Variants in ACVR1B observed in about 807,000 individuals in gnomAD.
The protein encoded by ACVR1B is activin receptor type-1B.
Under a neutral mutation model 55.6 loss-of-function variants are expected in ACVR1B, and 15 were observed. The observed-to-expected ratio is 0.27, with a 90% CI of 0.18 to 0.42. The LOEUF (loss-of-function observed/expected upper bound fraction) is 0.42. ACVR1B is among the 10% of genes least tolerant of loss of function. The pLI, the probability that ACVR1B is intolerant of heterozygous loss-of-function variation, is 1.00. For missense variants in ACVR1B, 359 were observed against 670.1 expected (o/e 0.54, Z 5.13); for synonymous variants, 247 against 254.6 (o/e 0.97, Z 0.28).
At chr12:51,982,679 A>G (rs1160470402) in intron 4 of ACVR1B, 1 of 1,514,066 alleles carries the variant, frequency 6.6e-7, no homozygotes. Context: ...CATTCCTGAA[A>G]CAACAGCAGA....
At chr12:51,975,172 C>T in intron 1 of ACVR1B, 93 bp from the exon 2 acceptor site, 1 of 1,511,178 alleles carries the variant, frequency 6.6e-7, no homozygotes, top group Non-Finnish European at 8.8e-7. Context: ...TTTGGAACAT[C>T]AAGTATGCTA....
intron 1 of ACVR1B, chr12:51,953,640 A>G (rs1941355313): frequency 1.6e-6 from 1 of 619,838 alleles, no homozygotes; most frequent in Non-Finnish European, 2.0e-6. Context: ...TTGTCATTTT[A>G]TGTGTGTATG....
chr12:51,977,236 T>TATTTA (rs1028535820), intron 3 of ACVR1B, among the ~76,000 whole-genome samples: 6 of 152,204 alleles, frequency 3.9e-5, no homozygotes, highest in African/African-American at 1.4e-4. Context: ...GGTCTCAGGG[T>TATTTA]ATAGCTCAGC....
chr12:51,964,725 TC>T, intron 1 of ACVR1B, among the ~76,000 whole-genome samples: 1 of 152,288 alleles, frequency 6.6e-6, no homozygotes, highest in Non-Finnish European at 1.5e-5. Flanking sequence ...AGACTTTTCC[TC>T]CCCCCTGTAT....
At chr12:51,966,177 C>T (rs1941637620) in intron 1 of ACVR1B, among the ~76,000 whole-genome samples, 1 of 152,134 alleles carries the variant, frequency 6.6e-6, no homozygotes, top group Non-Finnish European at 1.5e-5. Flanking sequence ...AGTATTCTAG[C>T]CAGAAATTTG....
intron 3 of ACVR1B, among the ~76,000 whole-genome samples, chr12:51,978,692 GTGGTGGC>G (rs1438638831): frequency 1.8e-4 from 2 of 10,854 alleles, no homozygotes; most frequent in African/African-American, 4.8e-4. Context: ...TTAGCCGGGC[GTGGTGGC>G]GGCGCCTGTA....
intron 1 of ACVR1B, among the ~76,000 whole-genome samples, chr12:51,961,356 A>G (rs1212767355): frequency 6.6e-6 from 1 of 152,164 alleles, no homozygotes; most frequent in Admixed American, 6.5e-5. Flanking sequence ...AAATAATTCC[A>G]ATTCTGTTTT....
chr12:51,980,827 C>A, intron 3 of ACVR1B, 142 bp from the exon 4 acceptor site: 3 of 665,418 alleles, frequency 4.5e-6, no homozygotes, highest in South Asian at 2.2e-5. Flanking sequence ...TGTGTATGGG[C>A]AGCAGCAGCT....
At chr12:51,981,220 C>T (rs1294508191) in intron 4 of ACVR1B, 21 bp downstream of exon 4, 1 of 1,599,868 alleles carries the variant, frequency 6.3e-7, no homozygotes, top group Non-Finnish European at 8.6e-7. Context: ...GGCTTGGATA[C>T]AGCATTCCCA....
intron 7 of ACVR1B, among the ~76,000 whole-genome samples, chr12:51,989,993 A>G (rs140204625): frequency 1.4e-3 from 211 of 149,726 alleles, no homozygotes; most frequent in African/African-American, 5.0e-3. Context: ...CAAAAAAGGA[A>G]AAAAAAATGA....
rs1942312071 is a variant in ACVR1B at position 51,997,046 on chromosome 12, C to T, written c.*2936C>T. 1 of 152,584 alleles carries T rather than the reference C, an allele frequency of 6.6e-6. No homozygotes were observed. Among genetic ancestry groups the T allele is most frequent in the Admixed American group, 6.6e-5 (1 of 15,260 alleles). The allele number at this position is 152,584 out of a possible 1,614,324, so 9.5% of individuals were successfully genotyped here. ...ATATAAGAATGAGCCTGTCCAATTT[C>T]TGCTGTACATTATTAAAAGTTTTAT... On this transcript the variant is annotated 3_prime_UTR_variant, in exon 9 of 9. Transcript: ENST00000257963.
chr12:51,972,997 C>T (rs2120575074), intron 1 of ACVR1B, among the ~76,000 whole-genome samples: 1 of 152,324 alleles, frequency 6.6e-6, no homozygotes, highest in African/African-American at 2.4e-5. Flanking sequence ...CAGTTCCGTT[C>T]TTCGTCCTGT....
At chr12:51,951,944 A>C in intron 1 of ACVR1B, 110 bp downstream of exon 1, 53 of 555,174 alleles carry the variant, frequency 9.5e-5, no homozygotes, top group Non-Finnish European at 1.1e-4. Flanking sequence ...CGAGCACAAT[A>C]TGGCCGGGTG....
chr12:51,968,096 C>G (rs539824587), intron 1 of ACVR1B, among the ~76,000 whole-genome samples: 2 of 152,252 alleles, frequency 1.3e-5, no homozygotes, highest in South Asian at 4.1e-4. Context: ...ACTAGCCAGA[C>G]GTGGTAGCAG....
rs138782727 is a variant in ACVR1B at position 51,963,859 on chromosome 12, C to G, written c.92-11406C>G. On this transcript the variant is annotated intron_variant, in intron 1 of 8. Transcript: ENST00000257963. ...ATTCTAGATTTAACTTATTAAGGAA[C>G]CATCAAGCTTTTTTCCACAGCAGTT... is the stretch of plus-strand genomic sequence containing the variant. Among the ~76,000 whole-genome samples the G allele has an allele frequency of 3.6e-4, 55 of 152,298 alleles. No individual in the cohort carries two copies. The East Asian group carries it at 0.01, about 28-fold the overall frequency.
At chr12:51,985,764 A>G (rs1157664629) in intron 6 of ACVR1B, among the ~76,000 whole-genome samples, 3 of 152,172 alleles carry the variant, frequency 2.0e-5, no homozygotes, top group Non-Finnish European at 4.4e-5. Flanking sequence ...ACTATAGCAA[A>G]GGTAACCCAG....
chr12:51,953,273 A>G (rs1941345750), intron 1 of ACVR1B: 1 of 914,542 alleles, frequency 1.1e-6, no homozygotes, highest in South Asian at 5.0e-5. Context: ...ACAGTCAAGA[A>G]AAGACACCAT....
At chr12:51,961,731 C>T (rs1941531670) in intron 1 of ACVR1B, among the ~76,000 whole-genome samples, 1 of 152,214 alleles carries the variant, frequency 6.6e-6, no homozygotes, top group Non-Finnish European at 1.5e-5. Context: ...CTTCCCTGCT[C>T]TATTGAGCCA....
intron 7 of ACVR1B, 70 bp downstream of exon 7, chr12:51,987,012 T>G: frequency 6.2e-7 from 1 of 1,607,382 alleles, no homozygotes; most frequent in Non-Finnish European, 8.5e-7. Context: ...GCTGTTTTAC[T>G]GCCCCCTTTC....
Sources: allele counts gnomAD v4.1 joint callset (sites outside exome capture counted in the v4.1 genomes callset), GRCh38; gene constraint gnomAD v4.1.1; transcripts MANE v1.5; gene names NCBI Gene and HGNC (gene_info 2026-07-23, HGNC 2026-07-21).